FAM13A: variants seen among roughly 807,000 people sequenced by gnomAD.
The protein encoded by FAM13A is protein FAM13A.
A neutral mutation model predicts 129.6 loss-of-function variants in FAM13A; 76 were observed. That is an observed-to-expected ratio of 0.59 (90% confidence interval 0.49 to 0.71). FAM13A has a LOEUF of 0.71. Ranked by LOEUF, FAM13A falls within the 30% of genes least tolerant of loss-of-function variation. The pLI is 0.00. For synonymous variants in FAM13A, 443 were observed against 449.9 expected (o/e 0.98, Z 0.20); for missense variants, 1,108 against 1,249.3 (o/e 0.89, Z 1.70).
At position 88,728,605 on chromosome 4, in the gene FAM13A, C is replaced by T. The variant is rs1331556930; in HGVS notation, c.3000G>A (p.Lys1000=). ...TPMAEEYSEY[K]HIKAKLRLLE... Reference sequence around the variant, plus strand: ...GGAGCCTCAGTTTCGCCTTTATGTGCTTATATTCACTGTATTCTTCAGCCA... The same window carrying T: ...GGAGCCTCAGTTTCGCCTTTATGTGTTTATATTCACTGTATTCTTCAGCCA... Residue 1000 remains lysine (K), a synonymous_variant, in exon 24 of 24, where the codon AAG becomes AAA. Coordinates refer to ENST00000264344, the MANE Select transcript of FAM13A (RefSeq NM_014883.4). 24 of 1,614,164 alleles carry T rather than the reference C, an allele frequency of 1.5e-5. No individual in the cohort carries two copies. The highest frequency in any genetic ancestry group is 1.9e-5 in the Non-Finnish European group (23 of 1,180,004).
At chr4:88,885,398 A>G (rs934235044) in intron 6 of FAM13A, among the ~76,000 whole-genome samples, 4 of 152,176 alleles carry the variant, frequency 2.6e-5, no homozygotes, top group African/African-American at 9.6e-5. Flanking sequence ...ACTAAAAGAT[A>G]AAGTGGAGAA....
chr4:88,772,659 T>G (rs1720905695), intron 11 of FAM13A, among the ~76,000 whole-genome samples: 1 of 152,216 alleles, frequency 6.6e-6, no homozygotes, highest in South Asian at 2.1e-4. Flanking sequence ...TTTAGTACAC[T>G]TAACCTACTG....
In FAM13A at chr4:88,845,198, A is replaced by T. The variant is rs1346970460; in HGVS notation, c.1007+5822T>A. Among the ~76,000 whole-genome samples, 11 of 152,188 alleles carry T rather than the reference A, an allele frequency of 7.2e-5. No homozygotes were observed. In the East Asian group the frequency reaches 1.5e-3, roughly 21 times the overall value. ...TGGAGACATTGAAAAAAAAACACTG[A>T]CAAGGCTTGGTGACTGATGATAGAA... is the stretch of plus-strand genomic sequence containing the variant. On this transcript the variant is annotated intron_variant, in intron 7 of 23. Coordinates refer to ENST00000264344, the MANE Select transcript of FAM13A (RefSeq NM_014883.4).
chr4:88,799,567 C>G (rs1457932472), intron 8 of FAM13A, among the ~76,000 whole-genome samples: 1 of 152,102 alleles, frequency 6.6e-6, no homozygotes, highest in African/African-American at 2.4e-5. Flanking sequence ...TCACTGCAAC[C>G]TCCACCTTCC....
intron 10 of FAM13A, among the ~76,000 whole-genome samples, chr4:88,783,960 C>T (rs1388578793): frequency 6.6e-6 from 1 of 152,040 alleles, no homozygotes; most frequent in Non-Finnish European, 1.5e-5. Flanking sequence ...GTTGTTTAAG[C>T]CACCCAGTCG....
At chr4:88,928,907 T>C (rs905518509) in intron 5 of FAM13A, among the ~76,000 whole-genome samples, 15 of 151,896 alleles carry the variant, frequency 9.9e-5, no homozygotes, top group African/African-American at 3.6e-4. Flanking sequence ...TTTGTCTTTG[T>C]GGTTTGATGA....
chr4:88,979,251 C>T (rs1761325020), intron 4 of FAM13A, among the ~76,000 whole-genome samples: 1 of 152,212 alleles, frequency 6.6e-6, no homozygotes, highest in South Asian at 2.1e-4. Flanking sequence ...TTGCTGCTCA[C>T]AGCATGAACT....
intron 6 of FAM13A, among the ~76,000 whole-genome samples, chr4:88,893,380 T>G (rs559962150): frequency 6.6e-6 from 1 of 152,298 alleles, no homozygotes; most frequent in South Asian, 2.1e-4. Context: ...ATCCCAGCAC[T>G]TTGGGAGGCC....
chr4:89,047,434 C>T (rs1771009651), intron 1 of FAM13A, among the ~76,000 whole-genome samples: 1 of 152,024 alleles, frequency 6.6e-6, no homozygotes. Flanking sequence ...AGACCTATTG[C>T]TGAATTCCAT....
intron 3 of FAM13A, among the ~76,000 whole-genome samples, chr4:89,004,770 G>T (rs1764766308): frequency 6.6e-6 from 1 of 152,140 alleles, no homozygotes; most frequent in Non-Finnish European, 1.5e-5. Context: ...GGCTGAGGAT[G>T]AGTTGGGACA....
At position 88,787,925 on chromosome 4, in the gene FAM13A, C is replaced by T; in HGVS notation, c.1099G>A (p.Glu367Lys). 1 of 1,611,918 alleles carries T rather than the reference C, an allele frequency of 6.2e-7. No individual in the cohort carries two copies. The highest frequency in any genetic ancestry group is 8.5e-7 in the Non-Finnish European group (1 of 1,178,946). Residue 367 changes from glutamate (E) to lysine (K), a missense_variant, in exon 10 of 24, where the codon GAA becomes AAA. By Grantham distance (56) the Glu-to-Lys change is moderately conservative. This residue lies in a region of FAM13A where 566 missense variants were observed against 595.7 expected (regional missense o/e 0.95). Coordinates refer to ENST00000264344, the MANE Select transcript of FAM13A (RefSeq NM_014883.4). ...SNVSATGELLERTIRSAVEQH... is the reference protein window; with the variant it reads ...SNVSATGELLKRTIRSAVEQH... ...TCTACAGCTGATCGGATGGTTCTTT[C>T]TAAGAGTCTGGCAAAAAAGAATGCA...
intron 13 of FAM13A, among the ~76,000 whole-genome samples, 175 bp downstream of exon 13, chr4:88,767,378 T>C (rs17014526): frequency 0.086 from 13,151 of 152,218 alleles, 976 homozygotes; most frequent in East Asian, 0.3. Flanking sequence ...AGGAAAATAA[T>C]GGAGCTCTTA....
At chr4:88,984,637 T>C (rs1034642843) in intron 4 of FAM13A, among the ~76,000 whole-genome samples, 2 of 152,192 alleles carry the variant, frequency 1.3e-5, no homozygotes, top group African/African-American at 2.4e-5. Context: ...AACAAGGATG[T>C]AGAGAAACTG....
intron 4 of FAM13A, among the ~76,000 whole-genome samples, chr4:88,960,486 T>C (rs2148911868): frequency 6.6e-6 from 1 of 152,370 alleles, no homozygotes. Flanking sequence ...TTGGTTCTAC[T>C]TCTTCAGTAT....
At chr4:89,049,225 T>C (rs1771239404) in intron 1 of FAM13A, among the ~76,000 whole-genome samples, 1 of 151,834 alleles carries the variant, frequency 6.6e-6, no homozygotes, top group Admixed American at 6.6e-5. Context: ...ATCTCACTAC[T>C]GCACTCCAGC....
chr4:88,818,151 T>G (rs1578801343), intron 7 of FAM13A, among the ~76,000 whole-genome samples: 1 of 35,892 alleles, frequency 2.8e-5, no homozygotes, highest in African/African-American at 1.1e-4. Flanking sequence ...GCCCAGATAA[T>G]TTTTTTTTTT....
intron 7 of FAM13A, among the ~76,000 whole-genome samples, chr4:88,834,666 T>C (rs1290387612): frequency 6.6e-6 from 1 of 152,072 alleles, no homozygotes; most frequent in African/African-American, 2.4e-5. Context: ...AACAAATCAA[T>C]CCAATTTTAA....
intron 7 of FAM13A, among the ~76,000 whole-genome samples, chr4:88,828,043 GCTGTTCCCTCTGT>G (rs1158583069): frequency 6.6e-6 from 1 of 152,174 alleles, no homozygotes; most frequent in Non-Finnish European, 1.5e-5. Context: ...ATTTGCTCAT[GCTGTTCCCTCTGT>G]CTGGAATATT....
intron 4 of FAM13A, chr4:88,989,584 A>G (rs1271999776): frequency 6.6e-6 from 1 of 152,246 alleles, no homozygotes; most frequent in Non-Finnish European, 1.5e-5. Context: ...CCTGGGTAAC[A>G]AAGTGAGACT....
Sources: allele counts gnomAD v4.1 joint callset (sites outside exome capture counted in the v4.1 genomes callset), GRCh38; gene constraint gnomAD v4.1.1; regional missense constraint gnomAD v4.1.1; transcripts MANE v1.5; gene names NCBI Gene and HGNC (gene_info 2026-07-23, HGNC 2026-07-21).